The following DOCK10 variants were observed in gnomAD, a reference collection of about 807,000 sequenced individuals.
The protein encoded by DOCK10 is dedicator of cytokinesis 10.
DOCK10 carries 145 observed loss-of-function variants against 280.1 expected under a neutral mutation model. That is an observed-to-expected ratio of 0.52 (90% CI 0.45 to 0.59). The LOEUF is 0.59. DOCK10 is among the 20% of genes least tolerant of loss of function. The probability of loss-of-function intolerance (pLI) is 0.00; values close to 1 mark genes in which losing one functional copy is unlikely to be tolerated. For synonymous variants in DOCK10, 915 were observed against 942.2 expected, an observed-to-expected ratio of 0.97 and a Z score of 0.53; for missense variants, 2,368 against 2,651.7, an observed-to-expected ratio of 0.89 and a Z score of 2.35.
At chr2:224,856,263 G>T (rs144944123) in intron 15 of DOCK10, among the ~76,000 whole-genome samples, 1 of 152,024 alleles carries the variant, frequency 6.6e-6, no homozygotes, top group Non-Finnish European at 1.5e-5. Context: ...AATTTTCCTT[G>T]CTATTCACTG....
chr2:224,848,222 T>C (rs181897997), intron 19 of DOCK10, among the ~76,000 whole-genome samples: 143 of 152,290 alleles, frequency 9.4e-4, no homozygotes, highest in African/African-American at 3.4e-3. Context: ...AACAGCAAGA[T>C]AACAATTGCA....
At chr2:224,824,813 T>G (rs1694734980) in intron 27 of DOCK10, among the ~76,000 whole-genome samples, 1 of 152,028 alleles carries the variant, frequency 6.6e-6, no homozygotes, top group Non-Finnish European at 1.5e-5. Context: ...ATAGATAGAA[T>G]CATGGAATTT....
chr2:224,855,070 C>A (rs1176779757), intron 15 of DOCK10, 28 bp from the exon 16 acceptor site: 13 of 955,384 alleles, frequency 1.4e-5, no homozygotes, highest in Non-Finnish European at 2.0e-5. Flanking sequence ...CAAGGACACA[C>A]ACACACACAC....
rs757865769 is a variant in DOCK10, at chr2:224,805,346, T to C, written c.3937-26A>G. On this transcript the variant is annotated intron_variant, in intron 35 of 55. Coordinates refer to ENST00000258390, the MANE Select transcript of DOCK10 (RefSeq NM_014689.3). This position sits in a 1 kb window ranked among gnomAD's most constrained non-coding sequence, Gnocchi z 4.3. ...CTGGGAATTCAAGAACCAATCAGGA[T>C]TGAGTGAGAGTGAGTGACCTCTGCC... is the stretch of plus-strand genomic sequence containing the variant. 5 of 1,612,566 alleles carry C rather than the reference T, an allele frequency of 3.1e-6. No homozygotes were observed. The highest frequency in any genetic ancestry group is 2.2e-5 in the East Asian group (1 of 44,856).
At chr2:224,974,475 G>A (rs1705287561) in intron 1 of DOCK10, among the ~76,000 whole-genome samples, 1 of 152,004 alleles carries the variant, frequency 6.6e-6, no homozygotes. Flanking sequence ...TTTGCCAAAA[G>A]ACACATTATA....
chr2:224,951,435 T>C (rs1703721055), intron 1 of DOCK10, among the ~76,000 whole-genome samples: 1 of 152,174 alleles, frequency 6.6e-6, no homozygotes, highest in South Asian at 2.1e-4. Flanking sequence ...CAAAGTCTGG[T>C]CCCATGGTGT....
Position 224,961,472 on chromosome 2 carries a change from C to CTT in DOCK10, c.124-29806_124-29805dup, listed in dbSNP as rs1269859454. Among the ~76,000 whole-genome samples, 274 of 102,910 alleles carry CTT rather than the reference C, an allele frequency of 2.7e-3. 1 individual carries two copies. Among genetic ancestry groups the CTT allele is most frequent in the African/African-American group, 9.2e-3 (252 of 27,282 alleles). The allele number at this position is 102,910 out of a possible 152,430, so 67.5% of individuals were successfully genotyped here. ...TTTCTTTCTTTCTTTCTTTCTTTTT[C>CTT]TTTCTTTCTTTCTCTTTCTTTCCTT... On this transcript the variant is annotated intron_variant, in intron 1 of 55. Transcript: ENST00000258390.
intron 1 of DOCK10, among the ~76,000 whole-genome samples, chr2:225,034,449 A>G (rs967070086): frequency 2.0e-5 from 3 of 152,250 alleles, no homozygotes; most frequent in Non-Finnish European, 4.4e-5. Context: ...TTTCTGCAGG[A>G]TTGCATTTCC....
chr2:224,945,286 T>C (rs1196426094), intron 1 of DOCK10, among the ~76,000 whole-genome samples: 1 of 152,160 alleles, frequency 6.6e-6, no homozygotes, highest in Non-Finnish European at 1.5e-5. Context: ...CTGACAAGGC[T>C]CTTTTGGAGT....
chr2:224,986,906 C>T (rs566434384), intron 1 of DOCK10, among the ~76,000 whole-genome samples: 1 of 152,292 alleles, frequency 6.6e-6, no homozygotes, highest in African/African-American at 2.4e-5. Context: ...GAATCATCAC[C>T]TCCTCGGAGA....
chr2:224,967,754 G>A (rs1704858862), intron 1 of DOCK10, among the ~76,000 whole-genome samples: 2 of 151,520 alleles, frequency 1.3e-5, no homozygotes, highest in African/African-American at 2.4e-5. Context: ...CCACATATAT[G>A]TAGTTGTTAA....
chr2:224,862,622 T>C, intron 14 of DOCK10, 42 bp downstream of exon 14: 1 of 1,516,606 alleles, frequency 6.6e-7, no homozygotes, highest in Non-Finnish European at 9.1e-7. Flanking sequence ...AATGCCACCA[T>C]TAAATGTATT....
intron 19 of DOCK10, among the ~76,000 whole-genome samples, chr2:224,845,966 C>T (rs574209361): frequency 1.2e-4 from 18 of 152,282 alleles, no homozygotes; most frequent in East Asian, 1.2e-3. Flanking sequence ...TCAAGTGATC[C>T]GCCCGCCTTG....
chr2:224,814,458 A>G (rs1020729502), intron 30 of DOCK10, 94 bp from the exon 31 acceptor site: 3 of 576,728 alleles, frequency 5.2e-6, no homozygotes, highest in Non-Finnish European at 8.3e-6. Flanking sequence ...GAACAATTAA[A>G]CTATATTATT....
chr2:224,916,540 C>CAA (rs35956360), intron 3 of DOCK10, among the ~76,000 whole-genome samples, 155 bp downstream of exon 3: 133 of 110,786 alleles, frequency 1.2e-3, no homozygotes, highest in Middle Eastern at 8.8e-3. Flanking sequence ...CACCCTCCCT[C>CAA]AAAAAAAAAA....
intron 1 of DOCK10, among the ~76,000 whole-genome samples, chr2:224,950,575 A>G (rs1372330994): frequency 6.6e-6 from 1 of 151,920 alleles, no homozygotes; most frequent in African/African-American, 2.4e-5. Context: ...CATGAAGGAG[A>G]TGGGTAATAT....
At chr2:224,898,642 TCTC>T (rs2125840041) in intron 3 of DOCK10, among the ~76,000 whole-genome samples, 1 of 152,302 alleles carries the variant, frequency 6.6e-6, no homozygotes, top group East Asian at 1.9e-4. Flanking sequence ...AGTGGCGCGA[TCTC>T]AGCTCACTGC....
intron 24 of DOCK10, among the ~76,000 whole-genome samples, chr2:224,838,849 A>C (rs1695758440): frequency 6.6e-6 from 1 of 152,202 alleles, no homozygotes; most frequent in African/African-American, 2.4e-5. Flanking sequence ...CAGATTAGAG[A>C]TGTTGGAAGA....
Position 224,954,662 on chromosome 2 carries a change from A to G in DOCK10, c.124-22994T>C, listed in dbSNP as rs16866392. 5.3e-3 allele frequency among the ~76,000 whole-genome samples: 810 copies of G among 152,294 alleles called. 5 individuals are homozygous for G. Among genetic ancestry groups the G allele is most frequent in the African/African-American group, 0.018 (768 of 41,550 alleles). On this transcript the variant is annotated intron_variant, in intron 1 of 55. Coordinates refer to ENST00000258390, the MANE Select transcript of DOCK10 (RefSeq NM_014689.3). ...GCATAACAATAATGACAATGACAAC[A>G]ACAAAAATACCACAGCTAGCTCATA...
Sources: allele counts gnomAD v4.1 joint callset (sites outside exome capture counted in the v4.1 genomes callset), GRCh38; gene constraint gnomAD v4.1.1; non-coding constraint Gnocchi (gnomAD v3.1); transcripts MANE v1.5; gene names NCBI Gene and HGNC (gene_info 2026-07-23, HGNC 2026-07-21).